KCNQ1: variants seen among roughly 807,000 people sequenced by gnomAD.
KCNQ1 encodes the protein potassium voltage-gated channel subfamily KQT member 1.
KCNQ1 carries 49 observed loss-of-function variants against 72.4 expected under a neutral mutation model. The observed-to-expected ratio is 0.68, with a 90% CI of 0.54 to 0.86. KCNQ1 has a LOEUF of 0.86. Among genes scored for constraint, KCNQ1 ranks in the 40% least tolerant of loss-of-function variants. The probability of loss-of-function intolerance (pLI) is 0.00; values close to 1 mark genes in which losing one functional copy is unlikely to be tolerated. For missense variants in KCNQ1, 790 were observed against 945.1 expected (o/e 0.84, Z 2.15); for synonymous variants, 450 against 412.6 (o/e 1.09, Z -1.10).
At chr11:2,650,511 A>G (rs745794899) in intron 10 of KCNQ1, 2 of 398,462 alleles carry the variant, frequency 5.0e-6, no homozygotes, top group Non-Finnish European at 8.8e-6. Context: ...AATTAATTAG[A>G]CTATAATCCA....
At position 2,565,372 on chromosome 11, in the gene KCNQ1, T is replaced by G. The variant is rs11820485; in HGVS notation, c.478-5256T>G. Among the ~76,000 whole-genome samples the G allele has an allele frequency of 0.046, 7,006 of 152,230 alleles. 464 individuals are homozygous for G. Among genetic ancestry groups the G allele is most frequent in the African/African-American group, 0.15 (6,148 of 41,500 alleles). The stretch of plus-strand genomic sequence containing the variant: ...TGATTTGCATTTCCCTGATGATTAG[T>G]GACACTGGGCACCTCTCCGTGTGCC... On this transcript the variant is annotated intron_variant, in intron 2 of 15. Transcript: ENST00000155840. The surrounding 1 kb of genome is among the most constrained non-coding windows in gnomAD (Gnocchi z 5.6).
Position 2,671,946 on chromosome 11 carries a change from G to A in KCNQ1, c.1514+9865G>A, listed in dbSNP as rs532758414. 6.5e-5 allele frequency: 26 copies of A among 398,620 alleles called. No homozygotes were observed. In the East Asian group the frequency reaches 9.3e-4, roughly 14 times the overall value. 24.7% of individuals were successfully genotyped at this position (398,620 alleles called of 1,614,324 possible). ...CCTCAGGCAGCTAGTCTCTGTATCT[G>A]GGGTAGAAAGAGTGGGCTAAAAAGT... On this transcript the variant is annotated intron_variant, in intron 11 of 15. Transcript: ENST00000155840. The surrounding 1 kb of genome is among the most constrained non-coding windows in gnomAD (Gnocchi z 4.7).
rs1267705721 is a variant in KCNQ1, at chr11:2,669,667, T to A, written c.1514+7586T>A. 2.5e-6 allele frequency: 1 copy of A among 398,506 alleles called. No homozygotes were observed. The highest frequency in any genetic ancestry group is 4.4e-6 in the Non-Finnish European group (1 of 226,072). The allele number at this position is 398,506 out of a possible 1,614,324, so 24.7% of individuals were successfully genotyped here. ...TACATTGGGAGTATATCTCACAGTA[T>A]TAGTGTAAGGCCTTGAGGAGATGGT... On this transcript the variant is annotated intron_variant, in intron 11 of 15. Transcript: ENST00000155840. The surrounding 1 kb of genome is among the most constrained non-coding windows in gnomAD (Gnocchi z 5.6).
chr11:2,461,799 C>A, intron 1 of KCNQ1: 1 of 1,125,120 alleles, frequency 8.9e-7, no homozygotes. Context: ...TTATGGGTGG[C>A]GGGTAGATGG....
At chr11:2,532,964 C>T (rs1564808736) in intron 2 of KCNQ1, among the ~76,000 whole-genome samples, 1 of 152,176 alleles carries the variant, frequency 6.6e-6, no homozygotes, top group Non-Finnish European at 1.5e-5. Context: ...CGCCAGAGGG[C>T]GCTCGTGCTA....
intron 15 of KCNQ1, among the ~76,000 whole-genome samples, chr11:2,842,502 C>T (rs546458425): frequency 1.3e-5 from 2 of 152,332 alleles, no homozygotes; most frequent in African/African-American, 4.8e-5. Context: ...GGCCCAGGGG[C>T]CTGGGGGTGC....
rs1249835726 is a variant in KCNQ1 at position 2,783,005 on chromosome 11, C to A, written c.1794+4968C>A. On this transcript the variant is annotated intron_variant, in intron 15 of 15. Transcript: ENST00000155840. The surrounding 1 kb of genome is among the most constrained non-coding windows in gnomAD (Gnocchi z 5.2). ...TCTCTAAATTAAGAAGAGGATAATT[C>A]TTAATTTTCAGGCTTCCTAAATTTC... Among the ~76,000 whole-genome samples, 1 of 152,096 alleles carries A rather than the reference C, an allele frequency of 6.6e-6. No individual in the cohort carries two copies. The highest frequency in any genetic ancestry group is 2.4e-5 in the African/African-American group (1 of 41,424).
At position 2,683,900 on chromosome 11, in the gene KCNQ1, C is replaced by A; in HGVS notation, c.1514+21819C>A. ...TCCAAATCATAAATGCAAAAGATGGCCAAAGGTGCATGCTCTGTGACACGT... is the reference window on the plus strand; with the variant it reads ...TCCAAATCATAAATGCAAAAGATGGACAAAGGTGCATGCTCTGTGACACGT... On this transcript the variant is annotated intron_variant, in intron 11 of 15. Transcript: ENST00000155840. This position sits in a 1 kb window ranked among gnomAD's most constrained non-coding sequence, Gnocchi z 4.7. 2.5e-6 allele frequency: 1 copy of A among 398,534 alleles called. No homozygotes were observed. Among genetic ancestry groups the A allele is most frequent in the Non-Finnish European group, 4.4e-6 (1 of 226,058 alleles). 24.7% of individuals were successfully genotyped at this position (398,534 alleles called of 1,614,324 possible). A position where few individuals can be genotyped will look rare whatever the true frequency, so the allele number is the denominator to read the frequency against.
At chr11:2,718,648 C>T (rs890127312) in intron 11 of KCNQ1, among the ~76,000 whole-genome samples, 1 of 152,222 alleles carries the variant, frequency 6.6e-6, no homozygotes, top group Non-Finnish European at 1.5e-5. Context: ...CATGACTCCC[C>T]AGCTGGCTCC....
At chr11:2,716,066 G>T (rs536084955) in intron 11 of KCNQ1, among the ~76,000 whole-genome samples, 1 of 152,322 alleles carries the variant, frequency 6.6e-6, no homozygotes, top group Admixed American at 6.5e-5. Context: ...GCTGTCTGCA[G>T]AGCACTGACC....
Position 2,775,799 on chromosome 11 carries a change from G to A in KCNQ1, c.1591-161G>A, listed in dbSNP as rs759262006. ...GGCCAAGCTGATGGGGACAAGCTTC[G>A]CTACTGTGCACGCTTGGAACCAGGC... On this transcript the variant is annotated intron_variant, in intron 12 of 15. Transcript: ENST00000155840. 6.0e-4 allele frequency among the ~76,000 whole-genome samples: 92 copies of A among 152,302 alleles called. 1 individual carries two copies. Among genetic ancestry groups the A allele is most frequent in the Non-Finnish European group, 1.2e-3 (82 of 68,020 alleles).
chr11:2,530,277 C>G (rs1426482731), intron 2 of KCNQ1, among the ~76,000 whole-genome samples: 1 of 152,248 alleles, frequency 6.6e-6, no homozygotes, highest in East Asian at 1.9e-4. Context: ...AGCCAAGTCT[C>G]TGGCCATGTC....
In KCNQ1 at chr11:2,751,560, G is replaced by A. The variant is rs1038365928; in HGVS notation, c.1515-17284G>A. ...GAGCATCTGAGTTCACTGCTGGTGG[G>A]CACCATCCCGGCCAACAGGCCACTA... On this transcript the variant is annotated intron_variant, in intron 11 of 15. Coordinates refer to ENST00000155840, the MANE Select transcript of KCNQ1 (RefSeq NM_000218.3). Among the ~76,000 whole-genome samples the A allele has an allele frequency of 2.6e-5, 4 of 152,272 alleles. No individual in the cohort carries two copies. The South Asian group carries it at 6.2e-4, about 24-fold the overall frequency.
chr11:2,544,489 A>C lies in KCNQ1; in HGVS notation c.477+16471A>C, dbSNP rs956548332. Among the ~76,000 whole-genome samples the C allele has an allele frequency of 6.6e-5, 10 of 151,812 alleles. No homozygotes were observed. The highest frequency in any genetic ancestry group is 2.4e-4 in the African/African-American group (10 of 41,314). On this transcript the variant is annotated intron_variant, in intron 2 of 15. Transcript: ENST00000155840. The surrounding 1 kb of genome is among the most constrained non-coding windows in gnomAD (Gnocchi z 4.4). ...GGGTTATATATCTCATATACATATG[A>C]GGTTATATACCACTTATTTAGATTT...
chr11:2,840,334 A>G (rs1186734255), intron 15 of KCNQ1: 2 of 152,572 alleles, frequency 1.3e-5, no homozygotes, highest in Non-Finnish European at 2.9e-5. Context: ...GTGCACCCAC[A>G]CGGCTCAAAC....
At chr11:2,812,750 C>A (rs1027137424) in intron 15 of KCNQ1, among the ~76,000 whole-genome samples, 7 of 152,130 alleles carry the variant, frequency 4.6e-5, no homozygotes, top group Non-Finnish European at 8.8e-5. Context: ...GTGGGCCCCA[C>A]GCCCCCGAGG....
rs1024964359 is a variant in KCNQ1, at chr11:2,483,521, G to C, written c.386+38037G>C. Among the ~76,000 whole-genome samples the C allele has an allele frequency of 1.3e-5, 2 of 152,236 alleles. No homozygotes were observed. The highest frequency in any genetic ancestry group is 2.9e-5 in the Non-Finnish European group (2 of 68,012). On this transcript the variant is annotated intron_variant, in intron 1 of 15. Transcript: ENST00000155840. This position sits in a 1 kb window ranked among gnomAD's most constrained non-coding sequence, Gnocchi z 6.1. Reference sequence around the variant, plus strand: ...TTCTGTGATCCCCACGTTGCTTTCAGCTGCCAGGTCTCCTTTCGTGTCCTG... The same window carrying C: ...TTCTGTGATCCCCACGTTGCTTTCACCTGCCAGGTCTCCTTTCGTGTCCTG...
At chr11:2,684,388 G>C (rs1431643267) in intron 11 of KCNQ1, 3 of 398,606 alleles carry the variant, frequency 7.5e-6, no homozygotes, top group African/African-American at 4.1e-5. Context: ...GCTCCAGTGG[G>C]GTCCATCCCC....
chr11:2,560,781 G>A (rs1848152974), intron 2 of KCNQ1, among the ~76,000 whole-genome samples: 1 of 152,110 alleles, frequency 6.6e-6, no homozygotes, highest in African/African-American at 2.4e-5. Flanking sequence ...GCTTGCAGGT[G>A]GAGAAGGCGG....
Sources: allele counts gnomAD v4.1 joint callset (sites outside exome capture counted in the v4.1 genomes callset), GRCh38; gene constraint gnomAD v4.1.1; non-coding constraint Gnocchi (gnomAD v3.1); transcripts MANE v1.5; gene names NCBI Gene and HGNC (gene_info 2026-07-23, HGNC 2026-07-21).